PRKN: variants seen among roughly 807,000 people sequenced by gnomAD.
PRKN encodes the protein E3 ubiquitin-protein ligase parkin.
PRKN carries 56 observed loss-of-function variants against 59.5 expected under a neutral mutation model. That is an observed-to-expected ratio of 0.94 (90% confidence interval 0.76 to 1.18). The LOEUF is 1.18. Among genes scored for constraint, PRKN ranks in the 50% most tolerant of loss-of-function variants. PRKN has a pLI of 0.00. For missense variants in PRKN, 657 were observed against 596.4 expected (o/e 1.10, Z -1.06); for synonymous variants, 250 against 222.1 (o/e 1.13, Z -1.12).
At chr6:162,507,594 G>A (rs746709021) in intron 1 of PRKN, among the ~76,000 whole-genome samples, 31 of 152,070 alleles carry the variant, frequency 2.0e-4, no homozygotes, top group Non-Finnish European at 4.3e-4. Context: ...TTAAATCACT[G>A]TTAAGTGTGA....
At chr6:162,031,343 G>A (rs1447789429) in intron 5 of PRKN, among the ~76,000 whole-genome samples, 1 of 151,768 alleles carries the variant, frequency 6.6e-6, no homozygotes, top group African/African-American at 2.4e-5. Context: ...TGCTGCTGTG[G>A]GTATGGAAGG....
intron 5 of PRKN, among the ~76,000 whole-genome samples, chr6:161,986,492 T>C (rs1375923046): frequency 0.033 from 4 of 122 alleles, no homozygotes; most frequent in African/African-American, 0.069. Context: ...TGCAGTGTCC[T>C]TTTTTTTTTT....
intron 7 of PRKN, among the ~76,000 whole-genome samples, chr6:161,735,635 G>A (rs778899245): frequency 6.6e-5 from 10 of 152,056 alleles, no homozygotes; most frequent in Admixed American, 1.3e-4. Context: ...GAGACTGTAA[G>A]GCCAGGCATG....
chr6:162,456,676 G>A (rs1006719155), intron 1 of PRKN, among the ~76,000 whole-genome samples: 10 of 152,140 alleles, frequency 6.6e-5, no homozygotes, highest in African/African-American at 2.2e-4. Context: ...GAAAAATACA[G>A]GGTTAGGTTC....
At chr6:162,126,597 G>A (rs1403014011) in intron 4 of PRKN, among the ~76,000 whole-genome samples, 1 of 152,064 alleles carries the variant, frequency 6.6e-6, no homozygotes, top group South Asian at 2.1e-4. Flanking sequence ...TCATTGTGAG[G>A]AGCCCCTCCT....
At chr6:162,490,845 C>A (rs144845300) in intron 1 of PRKN, among the ~76,000 whole-genome samples, 1 of 152,250 alleles carries the variant, frequency 6.6e-6, no homozygotes, top group Non-Finnish European at 1.5e-5. Context: ...AAAAGGACGG[C>A]ACGAGGGGCC....
intron 6 of PRKN, among the ~76,000 whole-genome samples, chr6:161,920,857 T>C (rs1778760357): frequency 6.6e-6 from 1 of 152,022 alleles, no homozygotes; most frequent in Non-Finnish European, 1.5e-5. Flanking sequence ...TACTCCAAGT[T>C]GCTCTCCTGA....
intron 3 of PRKN, among the ~76,000 whole-genome samples, chr6:162,239,001 A>T (rs1224233387): frequency 6.6e-6 from 1 of 152,212 alleles, no homozygotes; most frequent in Non-Finnish European, 1.5e-5. Context: ...ATGATGCACA[A>T]AATGAAGCGC....
At chr6:161,655,866 G>GCA (rs1346269118) in intron 7 of PRKN, among the ~76,000 whole-genome samples, 36 of 136,496 alleles carry the variant, frequency 2.6e-4, no homozygotes, top group East Asian at 2.6e-3. Context: ...CAACACACAT[G>GCA]CACACACACA....
Position 161,400,082 on chromosome 6 carries a change from TG to T in PRKN, c.1084-13206del. ...ATTCTATGGGCTCAGGAGCCTCACGTGGGCACCATGTTGGACAGGAGCCTCA... is the reference window on the plus strand; with the variant it reads ...ATTCTATGGGCTCAGGAGCCTCACGTGGCACCATGTTGGACAGGAGCCTCA... On this transcript the variant is annotated intron_variant, in intron 9 of 11. Transcript: ENST00000366898. The surrounding 1 kb of genome is among the most constrained non-coding windows in gnomAD (Gnocchi z 4.2). Among the ~76,000 whole-genome samples the T allele has an allele frequency of 6.6e-6, 1 of 152,184 alleles. No individual in the cohort carries two copies. Among genetic ancestry groups the T allele is most frequent in the Admixed American group, 6.5e-5 (1 of 15,288 alleles).
intron 4 of PRKN, among the ~76,000 whole-genome samples, chr6:162,147,826 G>A (rs943754075): frequency 1.3e-5 from 2 of 151,908 alleles, no homozygotes; most frequent in African/African-American, 4.8e-5. Flanking sequence ...GGCATTACAG[G>A]GTTATAATTT....
chr6:162,221,043 C>G (rs1777909186), intron 3 of PRKN, among the ~76,000 whole-genome samples: 1 of 152,124 alleles, frequency 6.6e-6, no homozygotes, highest in South Asian at 2.1e-4. Flanking sequence ...TGTAACCAAT[C>G]TGATGCCTTG....
intron 8 of PRKN, among the ~76,000 whole-genome samples, chr6:161,556,610 CA>C (rs2115448171): frequency 6.6e-6 from 1 of 152,254 alleles, no homozygotes; most frequent in South Asian, 2.1e-4. Flanking sequence ...GTATTTATCT[CA>C]GTATAAAATA....
At chr6:162,127,451 T>C (rs1053289475) in intron 4 of PRKN, among the ~76,000 whole-genome samples, 3 of 152,198 alleles carry the variant, frequency 2.0e-5, no homozygotes, top group African/African-American at 4.8e-5. Flanking sequence ...TCAGTAGGCA[T>C]ACTAAAATAA....
chr6:161,647,124 G>A (rs1414542371), intron 7 of PRKN, among the ~76,000 whole-genome samples: 6 of 152,152 alleles, frequency 3.9e-5, no homozygotes, highest in African/African-American at 1.2e-4. Flanking sequence ...GTTGTGGAAG[G>A]TGTCCTACAC....
At chr6:162,622,398 G>A (rs1157876557) in intron 1 of PRKN, among the ~76,000 whole-genome samples, 1 of 150,946 alleles carries the variant, frequency 6.6e-6, no homozygotes, top group Non-Finnish European at 1.5e-5. Flanking sequence ...TGGCCAGGTT[G>A]GTCTCCAACA....
rs577496033 is a variant in PRKN at position 161,496,494 on chromosome 6, A to AG, written c.1083+52359dup. ...TCACAATCATGGCGGAAGGCCAATG[A>AG]GGAGCAAAGGCACGTCTTACGTGGT... On this transcript the variant is annotated intron_variant, in intron 9 of 11. Transcript: ENST00000366898. Among the ~76,000 whole-genome samples, 54 of 152,336 alleles carry AG rather than the reference A, an allele frequency of 3.5e-4. No homozygotes were observed. In the South Asian group the frequency reaches 6.2e-3, roughly 18 times the overall value.
rs1262240587 is a variant in PRKN, at chr6:162,359,034, T to A, written c.171+84276A>T. 3.0e-5 allele frequency among the ~76,000 whole-genome samples: 4 copies of A among 134,724 alleles called. 1 individual carries two copies. Among genetic ancestry groups the A allele is most frequent in the Non-Finnish European group, 6.1e-5 (4 of 65,932 alleles). The allele number at this position is 134,724 out of a possible 152,430, so 88.4% of individuals were successfully genotyped here. A position where few individuals can be genotyped will look rare whatever the true frequency, so the allele number is the denominator to read the frequency against. On this transcript the variant is annotated intron_variant, in intron 2 of 11. Coordinates refer to ENST00000366898, the MANE Select transcript of PRKN (RefSeq NM_004562.3). ...GAGATTGTGCTACTGCACACCATCC[T>A]GGGTGACACAGTGACACACTGTGGC...
chr6:162,417,853 C>T (rs1484344724), intron 2 of PRKN, among the ~76,000 whole-genome samples: 3 of 152,190 alleles, frequency 2.0e-5, no homozygotes, highest in Non-Finnish European at 4.4e-5. Flanking sequence ...TTTCTTCCAC[C>T]TCTTCACCTT....
Sources: allele counts gnomAD v4.1 joint callset (sites outside exome capture counted in the v4.1 genomes callset), GRCh38; gene constraint gnomAD v4.1.1; non-coding constraint Gnocchi (gnomAD v3.1); transcripts MANE v1.5; gene names NCBI Gene and HGNC (gene_info 2026-07-23, HGNC 2026-07-21).